Variants in TLE3 observed in about 807,000 individuals in gnomAD.
TLE3 encodes transducin-like enhancer protein 3.
Under a neutral mutation model 93.0 loss-of-function variants are expected in TLE3, and 14 were observed. The observed-to-expected ratio is 0.15, with a 90% CI of 0.10 to 0.24. TLE3 has a LOEUF of 0.24. Among genes scored for constraint, TLE3 ranks in the 10% least tolerant of loss-of-function variants. TLE3 has a pLI of 1.00. For missense variants in TLE3, 693 were observed against 1,046.6 expected (o/e 0.66, Z 4.66); for synonymous variants, 451 against 425.0 (o/e 1.06, Z -0.75).
chr15:70,095,923 G>C (rs1051929097), intron 2 of TLE3: 16 of 638,142 alleles, frequency 2.5e-5, no homozygotes, highest in Non-Finnish European at 4.0e-5. Context: ...GAGTGAACCC[G>C]CTCGCCGCGA....
intron 13 of TLE3, 32 bp downstream of exon 13, chr15:70,057,427 T>A: frequency 6.4e-7 from 1 of 1,557,920 alleles, no homozygotes; most frequent in East Asian, 2.4e-5. Flanking sequence ...CCACGCCCAG[T>A]CCCCAAGAAA....
intron 16 of TLE3, 139 bp from the exon 17 acceptor site, chr15:70,053,513 T>G: frequency 4.7e-5 from 45 of 966,004 alleles, no homozygotes; most frequent in East Asian, 6.0e-5. Context: ...CTTAGCGAGC[T>G]TGCAGCAAAG....
At chr15:70,077,149 C>T (rs986606079) in intron 4 of TLE3, among the ~76,000 whole-genome samples, 1 of 152,224 alleles carries the variant, frequency 6.6e-6, no homozygotes, top group Non-Finnish European at 1.5e-5. Flanking sequence ...CATCTCCCAA[C>T]ACCCTAGAAA....
chr15:70,093,895 T>G (rs1469671404), intron 4 of TLE3, among the ~76,000 whole-genome samples: 1 of 152,210 alleles, frequency 6.6e-6, no homozygotes, highest in East Asian at 1.9e-4. Context: ...CCTGGGCAAG[T>G]TACTTCACCC....
intron 7 of TLE3, among the ~76,000 whole-genome samples, 176 bp from the exon 8 acceptor site, chr15:70,064,646 G>C (rs1264679438): frequency 6.6e-6 from 1 of 152,152 alleles, no homozygotes; most frequent in South Asian, 2.1e-4. Context: ...CCAAGGCAGG[G>C]CCATTAGGTG....
chr15:70,093,310 G>T (rs2058387290), intron 4 of TLE3, among the ~76,000 whole-genome samples: 1 of 152,182 alleles, frequency 6.6e-6, no homozygotes, highest in Non-Finnish European at 1.5e-5. Context: ...CCCTCCAGGA[G>T]GGGAAAGGAA....
Position 70,055,055 on chromosome 15 carries a change from G to A in TLE3, c.1572C>T (p.Asp524=), listed in dbSNP as rs780047970. The A allele has an allele frequency of 1.9e-6, 3 of 1,609,048 alleles. No homozygotes were observed. ...PGSKSPISQL[D]CLNRDNYIRS... ...GCAGCCCTGGGATTCTCACCAGGCAGTCCAGCTGGGAGATGGGGCTCTTGC... is the reference window on the plus strand; with the variant it reads ...GCAGCCCTGGGATTCTCACCAGGCAATCCAGCTGGGAGATGGGGCTCTTGC... Residue 524 remains aspartate, a synonymous_variant, in exon 15 of 20, where the codon GAC becomes GAT. Transcript: ENST00000451782.
intron 10 of TLE3, 60 bp downstream of exon 10, chr15:70,059,350 G>T: frequency 1.3e-6 from 2 of 1,552,120 alleles, no homozygotes; most frequent in East Asian, 2.4e-5. Flanking sequence ...CCACCCTGGG[G>T]AGGAATAATT....
At chr15:70,057,829 G>C (rs1162441547) in intron 12 of TLE3, 171 bp from the exon 13 acceptor site, 1 of 847,012 alleles carries the variant, frequency 1.2e-6, no homozygotes, top group African/African-American at 1.7e-5. Context: ...AAGAAGCTTA[G>C]AGCTTGGCAG....
intron 4 of TLE3, among the ~76,000 whole-genome samples, chr15:70,090,415 TC>T (rs1440384648): frequency 6.6e-6 from 1 of 152,176 alleles, no homozygotes; most frequent in Non-Finnish European, 1.5e-5. Context: ...TTTGACCCCT[TC>T]TACTTTGCAA....
intron 4 of TLE3, among the ~76,000 whole-genome samples, chr15:70,085,026 T>G (rs1289054594): frequency 6.6e-6 from 1 of 152,178 alleles, no homozygotes; most frequent in Non-Finnish European, 1.5e-5. Flanking sequence ...TCAAACTCAG[T>G]TCCTCAGTCG....
chr15:70,070,200 G>T (rs7163010), intron 6 of TLE3, among the ~76,000 whole-genome samples: 53,195 of 152,188 alleles, frequency 0.35, 10,342 homozygotes, highest in Middle Eastern at 0.59. Flanking sequence ...TTTCCTGCCA[G>T]AGCACAAATA....
At chr15:70,074,393 G>T in intron 6 of TLE3, 140 bp downstream of exon 6, 1 of 1,051,986 alleles carries the variant, frequency 9.5e-7, no homozygotes, top group Admixed American at 2.2e-5. Flanking sequence ...CCAAGCCCTT[G>T]GGGTGCTTGT....
At position 70,055,185 on chromosome 15, in the gene TLE3, C is replaced by T. The variant is rs1347429775; in HGVS notation, c.1442G>A (p.Ser481Asn). ...PRHARQINTL[S>N]HGEVVCAVTI... ...CACGGCACACACCACCTCCCCGTGG[C>T]TGAGTGTGTTGATCTGCCGGGCGTG... is the stretch of plus-strand genomic sequence containing the variant. Residue 481 changes from serine to asparagine, a missense_variant, in exon 15 of 20, where the codon AGC becomes AAC. This residue lies in a region of TLE3 where 405 missense variants were observed against 468.9 expected (regional missense o/e 0.86). Transcript: ENST00000451782. The T allele has an allele frequency of 2.5e-6, 4 of 1,614,020 alleles. No individual in the cohort carries two copies. The highest frequency in any genetic ancestry group is 2.5e-6 in the Non-Finnish European group (3 of 1,180,008).
chr15:70,078,260 C>T (rs912315834), intron 4 of TLE3, among the ~76,000 whole-genome samples: 1 of 152,148 alleles, frequency 6.6e-6, no homozygotes, highest in African/African-American at 2.4e-5. Context: ...GCAAAAAAGT[C>T]CGGGTTGGAT....
intron 4 of TLE3, among the ~76,000 whole-genome samples, chr15:70,081,658 C>T (rs1412990545): frequency 2.6e-5 from 4 of 152,220 alleles, no homozygotes; most frequent in Non-Finnish European, 4.4e-5. Context: ...GACAGGCAAG[C>T]GGCCATCCCA....
At chr15:70,057,984 T>G (rs1595880276) in intron 12 of TLE3, 175 bp downstream of exon 12, 1 of 1,066,050 alleles carries the variant, frequency 9.4e-7, no homozygotes. Flanking sequence ...CCAGCAGGGG[T>G]CCCAGAAACC....
Position 70,058,632 on chromosome 15 carries a change from T to C in TLE3, c.918+31A>G. On this transcript the variant is annotated intron_variant, in intron 11 of 19. Coordinates refer to ENST00000451782, the MANE Select transcript of TLE3 (RefSeq NM_001105192.3). The surrounding 1 kb of genome is among the most constrained non-coding windows in gnomAD (Gnocchi z 4.1). ...CCAGCTCCAGTCCCTGCCGCTCCCT[T>C]CCCACTCCCTTCCACCCAGACCCCA... is the stretch of plus-strand genomic sequence containing the variant. The C allele has an allele frequency of 1.9e-6, 3 of 1,556,422 alleles. No individual in the cohort carries two copies. Among genetic ancestry groups the C allele is most frequent in the Non-Finnish European group, 1.7e-6 (2 of 1,150,072 alleles).
At chr15:70,073,414 AGTTCCACCTT>A (rs936692094) in intron 6 of TLE3, among the ~76,000 whole-genome samples, 2 of 152,214 alleles carry the variant, frequency 1.3e-5, no homozygotes, top group Non-Finnish European at 2.9e-5. Context: ...TGGGGCCTTC[AGTTCCACCTT>A]GAAATAGTGA....
Sources: allele counts gnomAD v4.1 joint callset (sites outside exome capture counted in the v4.1 genomes callset), GRCh38; gene constraint gnomAD v4.1.1; regional missense constraint gnomAD v4.1.1; non-coding constraint Gnocchi (gnomAD v3.1); transcripts MANE v1.5; gene names NCBI Gene and HGNC (gene_info 2026-07-23, HGNC 2026-07-21).